ITPR2: variants seen among roughly 807,000 people sequenced by gnomAD.
ITPR2 encodes the protein inositol 1,4,5-trisphosphate-gated calcium channel ITPR2.
Under a neutral mutation model 317.1 loss-of-function variants are expected in ITPR2, and 207 were observed. That is an observed-to-expected ratio of 0.65 (90% CI 0.58 to 0.73). The LOEUF is 0.73. Among genes scored for constraint, ITPR2 ranks in the 30% least tolerant of loss-of-function variants. ITPR2 has a pLI of 0.00. For missense variants in ITPR2, 2,613 were observed against 3,284.0 expected, an observed-to-expected ratio of 0.80 and a Z score of 4.99; for synonymous variants, 1,156 against 1,149.1, an observed-to-expected ratio of 1.01 and a Z score of -0.12.
chr12:26,396,796 A>G (rs1331845277), intron 54 of ITPR2, among the ~76,000 whole-genome samples: 1 of 152,218 alleles, frequency 6.6e-6, no homozygotes, highest in Non-Finnish European at 1.5e-5. Context: ...TAAACTCAGC[A>G]TATTCCTACC....
At chr12:26,507,145 T>C (rs896482235) in intron 37 of ITPR2, among the ~76,000 whole-genome samples, 4 of 152,354 alleles carry the variant, frequency 2.6e-5, no homozygotes, top group African/African-American at 7.2e-5. Context: ...AATTGTGTTC[T>C]ACATGTAAAC....
chr12:26,726,589 CTG>C (rs1462450669), intron 2 of ITPR2, among the ~76,000 whole-genome samples: 5 of 152,202 alleles, frequency 3.3e-5, no homozygotes, highest in Middle Eastern at 3.4e-3. Flanking sequence ...TCATAAAAAA[CTG>C]TGAGTTCAAC....
At chr12:26,830,518 C>T (rs965024267) in intron 1 of ITPR2, among the ~76,000 whole-genome samples, 2 of 152,196 alleles carry the variant, frequency 1.3e-5, no homozygotes, top group Non-Finnish European at 1.5e-5. Context: ...CAGGTTTTGG[C>T]ATTAATGCCC....
Position 26,397,249 on chromosome 12 carries a change from T to G in ITPR2, c.7696+1627A>C, listed in dbSNP as rs747825609. Among the ~76,000 whole-genome samples, 7 of 152,282 alleles carry G rather than the reference T, an allele frequency of 4.6e-5. No homozygotes were observed. The South Asian group carries it at 1.4e-3, about 32-fold the overall frequency. On this transcript the variant is annotated intron_variant, in intron 54 of 56. Coordinates refer to ENST00000381340, the MANE Select transcript of ITPR2 (RefSeq NM_002223.4). ...TCTTAGCACGCCCTGCTCTGAACTT[T>G]ACGTCAGCAACACTGAGCTGCTTTA...
chr12:26,550,523 G>A (rs1179027057), intron 36 of ITPR2, among the ~76,000 whole-genome samples, 168 bp from the exon 37 acceptor site: 6 of 152,078 alleles, frequency 3.9e-5, no homozygotes. Flanking sequence ...TATAAATTTT[G>A]TATTACAACA....
At chr12:26,635,401 AATG>A (rs1946844990) in intron 21 of ITPR2, among the ~76,000 whole-genome samples, 1 of 152,186 alleles carries the variant, frequency 6.6e-6, no homozygotes, top group Non-Finnish European at 1.5e-5. Flanking sequence ...CACATAAGAA[AATG>A]ATAATTTGAA....
chr12:26,602,603 T>C lies in ITPR2; in HGVS notation c.3552+14A>G. 6.3e-7 allele frequency: 1 copy of C among 1,596,790 alleles called. No homozygotes were observed. Among genetic ancestry groups the C allele is most frequent in the Non-Finnish European group, 8.6e-7 (1 of 1,165,544 alleles). ...AAATATAAACCTATATAAGAATATTTTGTATCTGCCGACCTCCTTTACAAT... is the reference window on the plus strand; with the variant it reads ...AAATATAAACCTATATAAGAATATTCTGTATCTGCCGACCTCCTTTACAAT... On this transcript the variant is annotated intron_variant, in intron 27 of 56. Coordinates refer to ENST00000381340, the MANE Select transcript of ITPR2 (RefSeq NM_002223.4).
chr12:26,415,535 G>A, intron 50 of ITPR2, 37 bp from the exon 51 acceptor site: 1 of 1,371,332 alleles, frequency 7.3e-7, no homozygotes. Context: ...AGAAAAGAAG[G>A]CATTGGAGGA....
intron 37 of ITPR2, among the ~76,000 whole-genome samples, chr12:26,523,499 A>T (rs1162999866): frequency 6.6e-6 from 1 of 151,372 alleles, no homozygotes; most frequent in East Asian, 1.9e-4. Flanking sequence ...TTTTAAGCAG[A>T]TTCTCAAAAA....
chr12:26,806,663 T>C (rs938839948), intron 1 of ITPR2, among the ~76,000 whole-genome samples: 2 of 152,190 alleles, frequency 1.3e-5, no homozygotes, highest in Admixed American at 1.3e-4. Flanking sequence ...AACTACTGAG[T>C]GGTAGTAGCT....
chr12:26,583,371 T>C (rs1945447920), intron 32 of ITPR2, among the ~76,000 whole-genome samples: 1 of 152,178 alleles, frequency 6.6e-6, no homozygotes, highest in South Asian at 2.1e-4. Context: ...CATATTTTTA[T>C]GAGCTCTTTT....
intron 2 of ITPR2, among the ~76,000 whole-genome samples, chr12:26,766,157 T>C (rs1383565971): frequency 6.6e-6 from 1 of 152,214 alleles, no homozygotes; most frequent in Non-Finnish European, 1.5e-5. Context: ...GTAAAATTGC[T>C]GGACCAAATG....
At chr12:26,372,986 C>T (rs756921847) in intron 55 of ITPR2, among the ~76,000 whole-genome samples, 8 of 152,164 alleles carry the variant, frequency 5.3e-5, no homozygotes, top group Non-Finnish European at 1.2e-4. Context: ...TGTCCATAAT[C>T]AGTGTTGTCC....
intron 54 of ITPR2, among the ~76,000 whole-genome samples, chr12:26,395,288 T>C (rs1448967324): frequency 6.6e-6 from 1 of 152,078 alleles, no homozygotes; most frequent in Non-Finnish European, 1.5e-5. Flanking sequence ...CAGCGGGAAG[T>C]TAACAGTGAG....
Position 26,336,732 on chromosome 12 carries a change from T to C in ITPR2, c.*2665A>G, listed in dbSNP as rs1366717837. The C allele has an allele frequency of 1.3e-5, 2 of 152,160 alleles. No individual in the cohort carries two copies. The highest frequency in any genetic ancestry group is 4.8e-5 in the African/African-American group (2 of 41,448). The allele number at this position is 152,160 out of a possible 1,614,324, so 9.4% of individuals were successfully genotyped here. On this transcript the variant is annotated 3_prime_UTR_variant, in exon 57 of 57. Coordinates refer to ENST00000381340, the MANE Select transcript of ITPR2 (RefSeq NM_002223.4). ...AATATGAATTTGAAATAACTAAATA[T>C]TTTTTCAAAATCTCCCTTAACATCA...
intron 28 of ITPR2, among the ~76,000 whole-genome samples, chr12:26,601,738 C>T (rs1946002698): frequency 6.6e-6 from 1 of 152,096 alleles, no homozygotes; most frequent in African/African-American, 2.4e-5. Flanking sequence ...CACAAAATAC[C>T]TATTAATTAC....
At chr12:26,383,217 C>T (rs1939561023) in intron 55 of ITPR2, among the ~76,000 whole-genome samples, 1 of 152,180 alleles carries the variant, frequency 6.6e-6, no homozygotes, top group Non-Finnish European at 1.5e-5. Context: ...TTCCTGAGGC[C>T]TCACCAGAAG....
chr12:26,611,375 A>G (rs1365148028), intron 26 of ITPR2, among the ~76,000 whole-genome samples: 2 of 152,360 alleles, frequency 1.3e-5, no homozygotes, highest in East Asian at 3.9e-4. Flanking sequence ...AAACAGGCAG[A>G]TATGAATCTA....
chr12:26,617,750 C>G (rs76403742), intron 26 of ITPR2, among the ~76,000 whole-genome samples: 18,019 of 80,040 alleles, frequency 0.23, 1,679 homozygotes, highest in Admixed American at 0.33. Flanking sequence ...GAAGGAAGGA[C>G]AGAAGGAGGG....
Sources: gnomAD v4.1 joint callset for allele counts (sites outside exome capture counted in the v4.1 genomes callset) on GRCh38, gnomAD v4.1.1 for gene constraint, MANE v1.5 for transcripts, NCBI Gene and HGNC (gene_info 2026-07-23, HGNC 2026-07-21) for gene names.